The following ALPK1 variants were observed in gnomAD, a reference collection of about 807,000 sequenced individuals.
The protein encoded by ALPK1 is alpha-protein kinase 1.
ALPK1 carries 110 observed loss-of-function variants against 120.6 expected under a neutral mutation model. The ratio of observed to expected loss-of-function variants is 0.91; its 90% CI spans 0.78 to 1.07. The LOEUF is 1.07. Among genes scored for constraint, ALPK1 ranks in the 50% least tolerant of loss-of-function variants. The pLI, the probability that ALPK1 is intolerant of heterozygous loss-of-function variation, is 0.00. For missense variants in ALPK1, 1,498 were observed against 1,483.9 expected (o/e 1.01, Z -0.16); for synonymous variants, 582 against 560.3 (o/e 1.04, Z -0.55).
chr4:112,361,983 G>A (rs1459761834), intron 2 of ALPK1, among the ~76,000 whole-genome samples: 1 of 152,204 alleles, frequency 6.6e-6, no homozygotes, highest in Non-Finnish European at 1.5e-5. Flanking sequence ...ATCAAGAAGA[G>A]CAATAACAAT....
At chr4:112,334,247 A>G (rs1159423068) in intron 2 of ALPK1, among the ~76,000 whole-genome samples, 1 of 152,138 alleles carries the variant, frequency 6.6e-6, no homozygotes, top group Admixed American at 6.5e-5. Context: ...AACCTGGACA[A>G]CATGGTGAAA....
rs1728611488 is a variant in ALPK1, at chr4:112,315,850, TG to T, written c.-101+1del. ...ATTGAAATCTAATGAACCGAAACTT[TG>T]GGTAAGTTTTCATATGAAACTTTTG... is the stretch of plus-strand genomic sequence containing the variant. On this transcript the variant is annotated splice_region_variant and 5_prime_UTR_variant, in exon 2 of 16. The change creates a premature stop within an existing upstream ORF in the 5' untranslated region. Transcript: ENST00000650871. The T allele has an allele frequency of 6.6e-6, 1 of 152,210 alleles. No homozygotes were observed. The highest frequency in any genetic ancestry group is 2.4e-5 in the African/African-American group (1 of 41,450). 9.4% of individuals were successfully genotyped at this position (152,210 alleles called of 1,614,324 possible). A position where few individuals can be genotyped will look rare whatever the true frequency, so the allele number is the denominator to read the frequency against.
intron 1 of ALPK1, among the ~76,000 whole-genome samples, chr4:112,309,144 G>A (rs1578449598): frequency 6.6e-6 from 1 of 152,004 alleles, no homozygotes; most frequent in Admixed American, 6.6e-5. Flanking sequence ...CGTGTGAGGT[G>A]TCAGTCTGCC....
chr4:112,357,405 C>G, intron 2 of ALPK1: 1 of 691,340 alleles, frequency 1.4e-6, no homozygotes, highest in Admixed American at 2.3e-5. Flanking sequence ...CATCCTGATG[C>G]CAGTCACCAG....
chr4:112,303,439 A>G (rs1204501546), intron 1 of ALPK1, among the ~76,000 whole-genome samples: 2 of 152,152 alleles, frequency 1.3e-5, no homozygotes, highest in Admixed American at 1.3e-4. Flanking sequence ...GTCACCCTAG[A>G]TGTCTTTTTT....
chr4:112,411,896 C>G lies in ALPK1; in HGVS notation c.346C>G (p.Arg116Gly). ...GGCGGCTATTGTGTTCTTGGTGGAC[C>G]GGTTCCTGTATGGGCTCGACGTCTC... ...AAAAIVFLVD[R>G]FLYGLDVSGK... Residue 116 changes from arginine (R) to glycine (G), a missense_variant, in exon 5 of 16, where the codon CGG becomes GGG. By Grantham distance (125) the Arg-to-Gly change is moderately radical. Coordinates refer to ENST00000650871, the MANE Select transcript of ALPK1 (RefSeq NM_025144.4). 6.2e-7 allele frequency: 1 copy of G among 1,614,088 alleles called. No homozygotes were observed. Among genetic ancestry groups the G allele is most frequent in the African/African-American group, 1.3e-5 (1 of 75,030 alleles).
At chr4:112,364,644 C>A (rs1731061200) in intron 2 of ALPK1, among the ~76,000 whole-genome samples, 2 of 152,074 alleles carry the variant, frequency 1.3e-5, no homozygotes, top group South Asian at 4.1e-4. Flanking sequence ...AGAATTGGTA[C>A]CAGTCCTATT....
In ALPK1 at chr4:112,430,859, G is replaced by A. The variant is rs779895727; in HGVS notation, c.1312G>A (p.Glu438Lys). 13 of 1,614,060 alleles carry A rather than the reference G, an allele frequency of 8.1e-6. No individual in the cohort carries two copies. The highest frequency in any genetic ancestry group is 4.5e-5 in the East Asian group (2 of 44,864). Reference protein sequence around the residue: ...DDRSYVPESFECRLDKLILHG... With the variant: ...DDRSYVPESFKCRLDKLILHG... ...CAGATCTTATGTTCCCGAGAGTTTC[G>A]AGTGCAGGTTGGATAAACTTATCTT... Residue 438 changes from glutamate to lysine, a missense_variant, in exon 11 of 16, where the codon GAG (glutamate) becomes AAG (lysine). Coordinates refer to ENST00000650871, the MANE Select transcript of ALPK1 (RefSeq NM_025144.4).
At chr4:112,394,336 C>G (rs2148736592) in intron 4 of ALPK1, among the ~76,000 whole-genome samples, 1 of 152,276 alleles carries the variant, frequency 6.6e-6, no homozygotes, top group East Asian at 1.9e-4. Flanking sequence ...TTAATTAAAA[C>G]AGAAATTGTA....
intron 2 of ALPK1, among the ~76,000 whole-genome samples, chr4:112,336,378 A>G (rs139750082): frequency 1.1e-3 from 168 of 152,316 alleles, no homozygotes; most frequent in Non-Finnish European, 2.0e-3. Context: ...GACCTACAGA[A>G]ACTACATTTG....
intron 4 of ALPK1, among the ~76,000 whole-genome samples, chr4:112,395,785 G>T (rs184711250): frequency 2.0e-5 from 3 of 152,288 alleles, no homozygotes; most frequent in Admixed American, 2.0e-4. Flanking sequence ...GACGGTCACA[G>T]TTGAAAAATT....
intron 4 of ALPK1, among the ~76,000 whole-genome samples, chr4:112,393,423 C>T (rs72666256): frequency 0.098 from 14,923 of 152,166 alleles, 956 homozygotes; most frequent in African/African-American, 0.19. Context: ...AACAAGACAA[C>T]CATGTAGATC....
chr4:112,358,274 C>T, intron 2 of ALPK1: 6 of 587,556 alleles, frequency 1.0e-5, no homozygotes, highest in South Asian at 4.6e-5. Flanking sequence ...CTCCTGGGTG[C>T]GTCCCTACGT....
At chr4:112,390,993 C>A (rs1029047918) in intron 4 of ALPK1, among the ~76,000 whole-genome samples, 1 of 152,142 alleles carries the variant, frequency 6.6e-6, no homozygotes, top group Non-Finnish European at 1.5e-5. Flanking sequence ...ATCTAAGAGA[C>A]ATTATGAAAA....
At chr4:112,397,309 C>T (rs997369045) in intron 4 of ALPK1, among the ~76,000 whole-genome samples, 1 of 152,168 alleles carries the variant, frequency 6.6e-6, no homozygotes, top group Admixed American at 6.5e-5. Flanking sequence ...ATTATCAGCT[C>T]AATTCTGGAG....
chr4:112,377,969 C>T (rs1318167118), intron 3 of ALPK1, 71 bp downstream of exon 3: 12 of 1,458,072 alleles, frequency 8.2e-6, no homozygotes, highest in African/African-American at 7.1e-5. Flanking sequence ...CTGAACGACA[C>T]GTTCTTATCT....
intron 2 of ALPK1, among the ~76,000 whole-genome samples, chr4:112,339,492 A>G (rs543585329): frequency 6.6e-6 from 1 of 152,242 alleles, no homozygotes; most frequent in Non-Finnish European, 1.5e-5. Flanking sequence ...GTTAACTACA[A>G]GATAAGAAAA....
At chr4:112,370,315 A>G (rs189424377) in intron 2 of ALPK1, among the ~76,000 whole-genome samples, 1 of 152,312 alleles carries the variant, frequency 6.6e-6, no homozygotes, top group East Asian at 1.9e-4. Context: ...CTTAAAGTGT[A>G]TCACTCTAAC....
chr4:112,369,638 G>A (rs1002749250), intron 2 of ALPK1, among the ~76,000 whole-genome samples: 1 of 152,068 alleles, frequency 6.6e-6, no homozygotes, highest in African/African-American at 2.4e-5. Flanking sequence ...AGCCGAGATT[G>A]CACCACTCCA....
Sources: gnomAD v4.1 joint callset for allele counts (sites outside exome capture counted in the v4.1 genomes callset) on GRCh38, gnomAD v4.1.1 for gene constraint, MANE v1.5 for transcripts, NCBI Gene and HGNC (gene_info 2026-07-23, HGNC 2026-07-21) for gene names.